CARNMT1: variants seen among roughly 807,000 people sequenced by gnomAD.
CARNMT1 encodes carnosine N-methyltransferase 1.
A neutral mutation model predicts 49.6 loss-of-function variants in CARNMT1; 28 were observed. The ratio of observed to expected loss-of-function variants is 0.56; its 90% CI spans 0.42 to 0.77. The LOEUF is 0.77. Ranked by LOEUF, CARNMT1 falls within the 30% of genes least tolerant of loss-of-function variation. CARNMT1 has a pLI of 0.00. For missense variants in CARNMT1, 421 were observed against 512.6 expected, an observed-to-expected ratio of 0.82 and a Z score of 1.73; for synonymous variants, 178 against 175.0, an observed-to-expected ratio of 1.02 and a Z score of -0.13.
chr9:74,987,766 T>C (rs561763331), intron 6 of CARNMT1, among the ~76,000 whole-genome samples: 1 of 152,206 alleles, frequency 6.6e-6, no homozygotes, highest in South Asian at 2.1e-4. Context: ...GTGAATTTTA[T>C]TATATGTCAA....
chr9:75,028,319 C>T (rs1241188300), upstream of CARNMT1: 24 of 1,316,468 alleles, frequency 1.8e-5, 1 homozygote, highest in South Asian at 1.3e-4. Context: ...TGGCCTTCCT[C>T]TAGACGGCGC....
intron 6 of CARNMT1, among the ~76,000 whole-genome samples, chr9:74,985,785 G>A (rs1832818178): frequency 6.6e-6 from 1 of 152,120 alleles, no homozygotes; most frequent in Non-Finnish European, 1.5e-5. Context: ...TCACCATGTT[G>A]GCCAGGCTGG....
intron 1 of CARNMT1, 25 bp downstream of exon 1, chr9:75,027,987 C>T (rs2118890117): frequency 1.3e-6 from 2 of 1,547,890 alleles, no homozygotes; most frequent in South Asian, 2.4e-5. Context: ...ACGGTCTGGG[C>T]CGGGGTCCGC....
In CARNMT1 at chr9:74,996,564, A is replaced by C. The variant is rs1437280555; in HGVS notation, c.911-4T>G. ...GTAGCAATACAGTCCCAGGTATCTA[A>C]TGAAGAAAAATCAAATTACTGCATC... On this transcript the variant is annotated splice_region_variant and splice_polypyrimidine_tract_variant and intron_variant, in intron 5 of 7. Transcript: ENST00000376834. 1 of 1,510,146 alleles carries C rather than the reference A, an allele frequency of 6.6e-7. No homozygotes were observed. Among genetic ancestry groups the C allele is most frequent in the East Asian group, 2.3e-5 (1 of 43,834 alleles). 93.5% of individuals were successfully genotyped at this position (1,510,146 alleles called of 1,614,324 possible).
At chr9:75,028,365 C>G (rs1428814952), upstream of CARNMT1, 9 of 1,301,342 alleles carry the variant, frequency 6.9e-6, no homozygotes, top group Admixed American at 4.2e-5. Flanking sequence ...CGGCGCGCTC[C>G]GCCCCCGCCA....
upstream of CARNMT1, chr9:75,028,403 C>A: frequency 7.7e-7 from 1 of 1,291,534 alleles, no homozygotes; most frequent in Non-Finnish European, 9.7e-7. Flanking sequence ...GCGCTGGGCT[C>A]CGCCAGGTCT....
intron 3 of CARNMT1, among the ~76,000 whole-genome samples, chr9:75,011,762 AG>A (rs2118840887): frequency 6.6e-6 from 1 of 152,306 alleles, no homozygotes; most frequent in African/African-American, 2.4e-5. Flanking sequence ...GGGAAAGACA[AG>A]GAACTGTGGG....
intron 3 of CARNMT1, among the ~76,000 whole-genome samples, chr9:75,006,013 G>A (rs373382163): frequency 6.6e-6 from 1 of 151,970 alleles, no homozygotes; most frequent in African/African-American, 2.4e-5. Context: ...AATTTATCTA[G>A]AATCAACCTG....
chr9:75,020,690 G>C (rs1204860532), intron 1 of CARNMT1, among the ~76,000 whole-genome samples: 1 of 152,096 alleles, frequency 6.6e-6, no homozygotes, highest in East Asian at 1.9e-4. Context: ...CTGCCAAACA[G>C]TAATGAACTT....
At position 75,028,090 on chromosome 9, in the gene CARNMT1, G is replaced by A. The variant is rs929923898; in HGVS notation, c.152C>T (p.Thr51Met). Residue 51 changes from threonine (T) to methionine (M), a missense_variant, in exon 1 of 8, where the codon ACG becomes ATG. Physicochemically the swap from Thr to Met is moderately conservative, Grantham distance 81 (BLOSUM62 -1). Coordinates refer to ENST00000376834, the MANE Select transcript of CARNMT1 (RefSeq NM_152420.3). The stretch of plus-strand genomic sequence containing the variant: ...CTCCTCCTCCTCCTCGGTGCTGCGC[G>A]TGGCCGCCGCCGCTGCCGCCGAAAC... The part of the protein sequence containing the change: ...AAVSAAAAAA[T>M]RSTEEEEERL... 1 of 1,557,894 alleles carries A rather than the reference G, an allele frequency of 6.4e-7. No individual in the cohort carries two copies. The highest frequency in any genetic ancestry group is 1.9e-5 in the Admixed American group (1 of 53,544).
chr9:75,022,869 T>G (rs1822414399), intron 1 of CARNMT1, among the ~76,000 whole-genome samples: 1 of 151,986 alleles, frequency 6.6e-6, no homozygotes, highest in Non-Finnish European at 1.5e-5. Flanking sequence ...GCATGGTGGC[T>G]CACGCCTGTA....
chr9:74,998,104 A>G (rs1833246421), intron 5 of CARNMT1, among the ~76,000 whole-genome samples: 2 of 152,126 alleles, frequency 1.3e-5, no homozygotes. Flanking sequence ...GTCCTCCATG[A>G]TCTGGAACAA....
chr9:75,007,815 A>G (rs1032447177), intron 3 of CARNMT1, among the ~76,000 whole-genome samples: 3 of 151,834 alleles, frequency 2.0e-5, no homozygotes, highest in Admixed American at 6.6e-5. Context: ...CAGCTACTCA[A>G]TGGTGAAAGA....
At position 74,982,380 on chromosome 9, in the gene CARNMT1, C is replaced by G. The variant is rs1274863774; in HGVS notation, c.*1387G>C. The G allele has an allele frequency of 7.9e-5, 12 of 152,108 alleles. No individual in the cohort carries two copies. The highest frequency in any genetic ancestry group is 1.8e-4 in the Non-Finnish European group (12 of 68,006). 9.4% of individuals were successfully genotyped at this position (152,108 alleles called of 1,614,324 possible). A position where few individuals can be genotyped will look rare whatever the true frequency, so the allele number is the denominator to read the frequency against. ...CCTTTTCTCCAAGAAAAGGCTAAAA[C>G]ATTAGTCATCTCTACTTTCCAAGCT... is the stretch of plus-strand genomic sequence containing the variant. On this transcript the variant is annotated 3_prime_UTR_variant, in exon 8 of 8. Coordinates refer to ENST00000376834, the MANE Select transcript of CARNMT1 (RefSeq NM_152420.3).
intron 1 of CARNMT1, among the ~76,000 whole-genome samples, chr9:75,021,841 G>A (rs1300674255): frequency 6.6e-6 from 1 of 152,112 alleles, no homozygotes; most frequent in Non-Finnish European, 1.5e-5. Flanking sequence ...GGGAGGCTGA[G>A]GTAGGAGAAT....
chr9:74,996,272 C>T (rs901651048), intron 6 of CARNMT1, 175 bp downstream of exon 6: 1 of 498,200 alleles, frequency 2.0e-6, no homozygotes, highest in South Asian at 2.9e-5. Flanking sequence ...TGAGCTTCCA[C>T]TGCCTTTGGA....
At chr9:75,013,378 A>G (rs972153803) in intron 3 of CARNMT1, among the ~76,000 whole-genome samples, 3 of 152,196 alleles carry the variant, frequency 2.0e-5, no homozygotes, top group Non-Finnish European at 4.4e-5. Context: ...TTAAAAGATT[A>G]TCAAATAAAG....
chr9:75,021,602 A>G (rs1822366308), intron 1 of CARNMT1, among the ~76,000 whole-genome samples: 1 of 151,318 alleles, frequency 6.6e-6, no homozygotes, highest in Admixed American at 6.6e-5. Context: ...TTCCTCTTCT[A>G]GAGGGAACCA....
intron 3 of CARNMT1, among the ~76,000 whole-genome samples, chr9:75,015,042 G>A (rs1163694811): frequency 1.3e-5 from 2 of 152,216 alleles, no homozygotes; most frequent in East Asian, 3.9e-4. Flanking sequence ...AATAGCTTTC[G>A]TTAAATATAT....
Sources: gnomAD v4.1 joint callset for allele counts (sites outside exome capture counted in the v4.1 genomes callset) on GRCh38, gnomAD v4.1.1 for gene constraint, MANE v1.5 for transcripts, NCBI Gene and HGNC (gene_info 2026-07-23, HGNC 2026-07-21) for gene names.